Variants in ULK3 observed in about 807,000 individuals in gnomAD.
The protein encoded by ULK3 is unc-51 like kinase 3, also known as serine/threonine-protein kinase ULK3.
Under a neutral mutation model 69.4 loss-of-function variants are expected in ULK3, and 54 were observed. That is an observed-to-expected ratio of 0.78 (90% confidence interval 0.63 to 0.98). ULK3 has a LOEUF of 0.98. ULK3 is among the 50% of genes least tolerant of loss of function. ULK3 has a pLI of 0.00. For missense variants in ULK3, 558 were observed against 627.7 expected (o/e 0.89, Z 1.19); for synonymous variants, 240 against 254.5 (o/e 0.94, Z 0.54).
At chr15:74,841,557 C>A (rs751795257) in intron 3 of ULK3, 48 bp from the exon 4 acceptor site, 2 of 1,544,496 alleles carry the variant, frequency 1.3e-6, no homozygotes, top group South Asian at 2.3e-5. Context: ...CCCATTCCCG[C>A]CTGCCTCTCG....
Position 74,841,529 on chromosome 15 carries a change from A to AAG in ULK3, c.365-22_365-21dup. 1 of 1,609,790 alleles carries AAG rather than the reference A, an allele frequency of 6.2e-7. No individual in the cohort carries two copies. Among genetic ancestry groups the AAG allele is most frequent in the South Asian group, 1.1e-5 (1 of 90,930 alleles). On this transcript the variant is annotated intron_variant, in intron 3 of 15. Coordinates refer to ENST00000440863, the MANE Select transcript of ULK3 (RefSeq NM_001099436.4). ...CGCTAGCTGAGGAGCAGGACCCACG[A>AAG]AGAGAGACAGTTCAGAGCCCATTCC...
At position 74,838,358 on chromosome 15, in the gene ULK3, G is replaced by A. The variant is rs993258504; in HGVS notation, c.1168-14C>T. 3.8e-6 allele frequency: 6 copies of A among 1,567,396 alleles called. No individual in the cohort carries two copies. The African/African-American group carries it at 8.2e-5, about 21-fold the overall frequency. ...GGCGGCCTCCTCCTGCAGCCACAAG[G>A]ACACCAGGCTGCTTAGGGTCATGGC... On this transcript the variant is annotated splice_polypyrimidine_tract_variant and intron_variant, in intron 11 of 15. Transcript: ENST00000440863.
intron 6 of ULK3, 31 bp downstream of exon 6, chr15:74,840,203 C>T (rs760630579): frequency 2.5e-6 from 4 of 1,586,388 alleles, no homozygotes; most frequent in Admixed American, 3.6e-5. Context: ...CCTCTGCCCC[C>T]CAGTGGTCGC....
chr15:74,838,871 G>A (rs2064131149), intron 9 of ULK3, 126 bp from the exon 10 acceptor site: 1 of 1,401,152 alleles, frequency 7.1e-7, no homozygotes, highest in South Asian at 1.3e-5. Context: ...GGGGGCAAAT[G>A]TGGCTGGCCT....
Position 74,836,811 on chromosome 15 carries a change from C to T in ULK3, c.*417G>A, listed in dbSNP as rs777485843. On this transcript the variant is annotated 3_prime_UTR_variant, in exon 16 of 16. Coordinates refer to ENST00000440863, the MANE Select transcript of ULK3 (RefSeq NM_001099436.4). This position sits in a 1 kb window ranked among gnomAD's most constrained non-coding sequence, Gnocchi z 4.0. ...GGAGCTGAGTTGGAATAAGGGGTCC[C>T]GGGAAGGGCAGGCCAGGGGCACAGC... 12 of 170,658 alleles carry T rather than the reference C, an allele frequency of 7.0e-5. No individual in the cohort carries two copies. Among genetic ancestry groups the T allele is most frequent in the African/African-American group, 9.5e-5 (4 of 41,926 alleles). The allele number at this position is 170,658 out of a possible 1,614,324, so 10.6% of individuals were successfully genotyped here.
chr15:74,838,749 T>C lies in ULK3; in HGVS notation c.1000-4A>G, dbSNP rs900506974. The C allele has an allele frequency of 4.4e-6, 7 of 1,600,306 alleles. No homozygotes were observed. Among genetic ancestry groups the C allele is most frequent in the Non-Finnish European group, 6.0e-6 (7 of 1,171,710 alleles). ...CCCGGGACACGTACTGCCCCACCTG[T>C]AGCAGGGAAAGGGCCTGAGGAGGGG... On this transcript the variant is annotated splice_polypyrimidine_tract_variant and splice_region_variant and intron_variant, in intron 9 of 15. Transcript: ENST00000440863.
Position 74,836,977 on chromosome 15 carries a change from C to T in ULK3, c.*251G>A, listed in dbSNP as rs996970279. On this transcript the variant is annotated 3_prime_UTR_variant, in exon 16 of 16. Transcript: ENST00000440863. This position sits in a 1 kb window ranked among gnomAD's most constrained non-coding sequence, Gnocchi z 4.0. ...CCAGTAACCACCGAGTAACAAAGGTCTCATGAAAGAAGTGCTGTTCTCCCA... is the reference window on the plus strand; with the variant it reads ...CCAGTAACCACCGAGTAACAAAGGTTTCATGAAAGAAGTGCTGTTCTCCCA... 2 of 449,434 alleles carry T rather than the reference C, an allele frequency of 4.5e-6. No homozygotes were observed. The highest frequency in any genetic ancestry group is 7.8e-6 in the Non-Finnish European group (2 of 257,462). The allele number at this position is 449,434 out of a possible 1,614,324, so 27.8% of individuals were successfully genotyped here.
rs2064027484 is a variant in ULK3 at position 74,836,582 on chromosome 15, TC to T, written c.*645del. On this transcript the variant is annotated 3_prime_UTR_variant, in exon 16 of 16. Coordinates refer to ENST00000440863, the MANE Select transcript of ULK3 (RefSeq NM_001099436.4). The surrounding 1 kb of genome is among the most constrained non-coding windows in gnomAD (Gnocchi z 4.0). ...AGGACCAAGGAACCCTCCTGAGTGC[TC>T]CCTAGGCCAGGGCAGGAACAAGGCT... 6.6e-6 allele frequency: 1 copy of T among 152,378 alleles called. No homozygotes were observed. Among genetic ancestry groups the T allele is most frequent in the Non-Finnish European group, 1.5e-5 (1 of 68,204 alleles). 9.4% of individuals were successfully genotyped at this position (152,378 alleles called of 1,614,324 possible). A position where few individuals can be genotyped will look rare whatever the true frequency, so the allele number is the denominator to read the frequency against.
In ULK3 at chr15:74,842,324, T is replaced by C. The variant is rs753131200; in HGVS notation, c.199A>G (p.Lys67Glu). The C allele has an allele frequency of 6.2e-7, 1 of 1,614,018 alleles. No homozygotes were observed. Among genetic ancestry groups the C allele is most frequent in the East Asian group, 2.2e-5 (1 of 44,892 alleles). ...ACAATGTGGGGATGTCGAATGCCCT[T>C]GAGGATCTCAATCTCCGTGAGGAGG... Reference protein sequence around the residue: ...ENLLTEIEILKGIRHPHIVQL... With the variant: ...ENLLTEIEILEGIRHPHIVQL... The change falls in exon 2 of 16, where the codon AAG becomes GAG. Residue 67 changes from lysine to glutamate, a missense_variant. Coordinates refer to ENST00000440863, the MANE Select transcript of ULK3 (RefSeq NM_001099436.4). This position sits in a 1 kb window ranked among gnomAD's most constrained non-coding sequence, Gnocchi z 4.9.
At position 74,839,560 on chromosome 15, in the gene ULK3, C is replaced by A. The variant is rs1291978804; in HGVS notation, c.850G>T (p.Ala284Ser). ...HMPSGESLGR[A>S]TALVVQAVKK... The stretch of plus-strand genomic sequence containing the variant: ...CCCAGCCCCAGCCGTCTGCTCACTG[C>A]TCGCCCCAGACTCTCCCCACTGGGC... Residue 284 changes from alanine to serine, a missense_variant and splice_region_variant, in exon 7 of 16, where the codon GCA (alanine) becomes TCA (serine). By Grantham distance (99) the Ala-to-Ser change is moderately conservative. Coordinates refer to ENST00000440863, the MANE Select transcript of ULK3 (RefSeq NM_001099436.4). The A allele has an allele frequency of 1.3e-6, 2 of 1,556,566 alleles. No homozygotes were observed. The highest frequency in any genetic ancestry group is 8.7e-7 in the Non-Finnish European group (1 of 1,152,066).
Position 74,842,297 on chromosome 15 carries a change from G to A in ULK3, c.226C>T (p.Gln76Ter). The A allele has an allele frequency of 1.9e-6, 3 of 1,614,008 alleles. No homozygotes were observed. Among genetic ancestry groups the A allele is most frequent in the Non-Finnish European group, 2.5e-6 (3 of 1,179,892 alleles). ...GCTCACACCTGAAAGTCTTTCAGCT[G>A]CACAATGTGGGGATGTCGAATGCCC... is the stretch of plus-strand genomic sequence containing the variant. The part of the protein sequence containing the change: ...LKGIRHPHIV[Q>*]LKDFQWDSDN... Residue 76 changes from glutamine to a stop codon, truncating the protein, a stop_gained, in exon 2 of 16, where the codon CAG becomes TAG. Coordinates refer to ENST00000440863, the MANE Select transcript of ULK3 (RefSeq NM_001099436.4). LOFTEE classifies it high-confidence loss of function. The surrounding 1 kb of genome is among the most constrained non-coding windows in gnomAD (Gnocchi z 4.9).
At chr15:74,840,755 A>G in intron 4 of ULK3, 114 bp from the exon 5 acceptor site, 1 of 1,363,202 alleles carries the variant, frequency 7.3e-7, no homozygotes, top group Non-Finnish European at 9.8e-7. Flanking sequence ...GATCAACCCT[A>G]TTTCCAAGCC....
Position 74,842,396 on chromosome 15 carries a change from T to C in ULK3, c.127A>G (p.Ile43Val), listed in dbSNP as rs201366940. ...AKKDTREVVA[I>V]KCVAKKSLNK... is the part of the protein sequence containing the mutation. ...AGACTTTTCTTGGCTACACACTTTATGGCTACCACTTCACGAGTGTCCTTC... is the reference window on the plus strand; with the variant it reads ...AGACTTTTCTTGGCTACACACTTTACGGCTACCACTTCACGAGTGTCCTTC... The change falls in exon 2 of 16, where the codon ATA becomes GTA. Residue 43 changes from isoleucine to valine, a missense_variant. Physicochemically the swap from Ile to Val is conservative, Grantham distance 29. Coordinates refer to ENST00000440863, the MANE Select transcript of ULK3 (RefSeq NM_001099436.4). This position sits in a 1 kb window ranked among gnomAD's most constrained non-coding sequence, Gnocchi z 4.9. The C allele has an allele frequency of 9.2e-5, 149 of 1,613,904 alleles. No homozygotes were observed. The Admixed American group carries it at 2.4e-3, about 26-fold the overall frequency.
chr15:74,837,716 A>T, intron 14 of ULK3, 35 bp downstream of exon 14: 1 of 1,577,686 alleles, frequency 6.3e-7, no homozygotes, highest in Non-Finnish European at 8.6e-7. Flanking sequence ...CAGAACCCAC[A>T]GACCCTAGCC....
Position 74,840,564 on chromosome 15 carries a change from C to T in ULK3, c.547G>A (p.Glu183Lys). 1.2e-6 allele frequency: 2 copies of T among 1,610,448 alleles called. No individual in the cohort carries two copies. The highest frequency in any genetic ancestry group is 8.5e-7 in the Non-Finnish European group (1 of 1,178,850). Reference sequence around the variant, plus strand: ...TCATACTGCCGCTGGCACACCATCTCGGGGGCCATGTAGAGGGGGGAGCCA... The same window carrying T: ...TCATACTGCCGCTGGCACACCATCTTGGGGGCCATGTAGAGGGGGGAGCCA... ...LRGSPLYMAP[E>K]MVCQRQYDAR... The change falls in exon 5 of 16, where the codon GAG becomes AAG. Residue 183 changes from glutamate (E) to lysine (K), a missense_variant. By Grantham distance (56) the Glu-to-Lys change is moderately conservative. Transcript: ENST00000440863.
chr15:74,839,097 G>A (rs776311419), intron 8 of ULK3, 47 bp from the exon 9 acceptor site: 1 of 1,575,992 alleles, frequency 6.3e-7, no homozygotes, highest in African/African-American at 1.3e-5. Flanking sequence ...ACCCCTCCCT[G>A]CCCCACAACG....
In ULK3 at chr15:74,842,725, C is replaced by T. The variant is rs2064306930; in HGVS notation, c.102+279G>A. 1.3e-6 allele frequency: 2 copies of T among 1,520,862 alleles called. No homozygotes were observed. The highest frequency in any genetic ancestry group is 4.9e-5 in the East Asian group (2 of 40,522). The allele number at this position is 1,520,862 out of a possible 1,614,324, so 94.2% of individuals were successfully genotyped here. A position where few individuals can be genotyped will look rare whatever the true frequency, so the allele number is the denominator to read the frequency against. On this transcript the variant is annotated intron_variant, in intron 1 of 15. Transcript: ENST00000440863. The surrounding 1 kb of genome is among the most constrained non-coding windows in gnomAD (Gnocchi z 4.9). Reference sequence around the variant, plus strand: ...TCACTCAGGGTTCTAGAACCGCCCACTCTGCCTCCCAACTGGCTCCAGTCC... The same window carrying T: ...TCACTCAGGGTTCTAGAACCGCCCATTCTGCCTCCCAACTGGCTCCAGTCC...
chr15:74,842,916 C>A lies in ULK3; in HGVS notation c.102+88G>T. On this transcript the variant is annotated intron_variant, in intron 1 of 15. Coordinates refer to ENST00000440863, the MANE Select transcript of ULK3 (RefSeq NM_001099436.4). This position sits in a 1 kb window ranked among gnomAD's most constrained non-coding sequence, Gnocchi z 4.9. ...GCCGGCCTCCCGCCCCTAACTATTC[C>A]CACACTGTCGCTAACCTCTCAGAGT... 1 of 1,439,818 alleles carries A rather than the reference C, an allele frequency of 6.9e-7. No individual in the cohort carries two copies. Among genetic ancestry groups the A allele is most frequent in the South Asian group, 1.3e-5 (1 of 75,966 alleles). 89.2% of individuals were successfully genotyped at this position (1,439,818 alleles called of 1,614,324 possible). A position where few individuals can be genotyped will look rare whatever the true frequency, so the allele number is the denominator to read the frequency against.
Position 74,842,638 on chromosome 15 carries a change from C to T in ULK3, c.103-218G>A. 6.5e-7 allele frequency: 1 copy of T among 1,537,252 alleles called. No homozygotes were observed. The highest frequency in any genetic ancestry group is 8.7e-7 in the Non-Finnish European group (1 of 1,147,754). ...CCCGACACAGCCTCAGCCTGGTCTT[C>T]TCCAACCCTCGGCTAGCTGATCCAT... On this transcript the variant is annotated intron_variant, in intron 1 of 15. Coordinates refer to ENST00000440863, the MANE Select transcript of ULK3 (RefSeq NM_001099436.4). This position sits in a 1 kb window ranked among gnomAD's most constrained non-coding sequence, Gnocchi z 4.9.
Sources: allele counts gnomAD v4.1 joint callset, GRCh38; gene constraint gnomAD v4.1.1; non-coding constraint Gnocchi (gnomAD v3.1); transcripts MANE v1.5; gene names NCBI Gene and HGNC (gene_info 2026-07-23, HGNC 2026-07-21).